HSD17B12: variants seen among roughly 807,000 people sequenced by gnomAD.
The protein encoded by HSD17B12 is hydroxysteroid 17-beta dehydrogenase 12.
In HSD17B12, 32 loss-of-function variants were observed where a neutral mutation model predicts 39.3. The observed-to-expected ratio is 0.81, with a 90% CI of 0.61 to 1.09. The LOEUF is 1.09. Ranked by LOEUF, HSD17B12 falls within the 50% of genes least tolerant of loss-of-function variation. The pLI is 0.00. For missense variants in HSD17B12, 342 were observed against 382.9 expected, an observed-to-expected ratio of 0.89 and a Z score of 0.89; for synonymous variants, 150 against 146.7, an observed-to-expected ratio of 1.02 and a Z score of -0.16.
chr11:43,800,736 T>C (rs1217808151), intron 4 of HSD17B12, among the ~76,000 whole-genome samples: 1 of 152,206 alleles, frequency 6.6e-6, no homozygotes, highest in Non-Finnish European at 1.5e-5. Context: ...ACCATTGTTT[T>C]GATAGCCTAG....
the HSD17B12 span, among the ~76,000 whole-genome samples, chr11:43,568,094 T>G: frequency 1.2e-3 from 186 of 151,998 alleles, no homozygotes; most frequent in African/African-American, 4.3e-3. Context: ...TCTTTTAATT[T>G]TATTTATTTA....
chr11:43,596,743 T>G, the HSD17B12 span, among the ~76,000 whole-genome samples: 4 of 151,916 alleles, frequency 2.6e-5, no homozygotes, highest in Admixed American at 2.0e-4. Flanking sequence ...CCACTTAGGG[T>G]TTTTCTGAGA....
intron 1 of HSD17B12, among the ~76,000 whole-genome samples, chr11:43,713,916 A>G (rs1392987796): frequency 6.6e-6 from 1 of 152,166 alleles, no homozygotes; most frequent in East Asian, 1.9e-4. Context: ...TTGGCTGCAT[A>G]AATGTCTTCT....
intron 10 of HSD17B12, 72 bp downstream of exon 10, chr11:43,854,936 A>T: frequency 6.9e-7 from 1 of 1,451,006 alleles, no homozygotes; most frequent in East Asian, 2.3e-5. Context: ...GTTACAGGAT[A>T]GTATGTAATA....
At chr11:43,629,161 C>T in the HSD17B12 span, among the ~76,000 whole-genome samples, 1 of 152,086 alleles carries the variant, frequency 6.6e-6, no homozygotes, top group Admixed American at 6.6e-5. Context: ...CATCTTTATT[C>T]CTCTCTGTCC....
chr11:43,812,267 C>A (rs1031115924), intron 4 of HSD17B12, among the ~76,000 whole-genome samples: 1 of 152,092 alleles, frequency 6.6e-6, no homozygotes, highest in African/African-American at 2.4e-5. Flanking sequence ...TGTGATAGTT[C>A]TATTTTTAAT....
chr11:43,753,878 T>G (rs941466703), intron 2 of HSD17B12, among the ~76,000 whole-genome samples, 168 bp from the exon 3 acceptor site: 5 of 152,184 alleles, frequency 3.3e-5, no homozygotes, highest in Admixed American at 6.5e-5. Context: ...GATAACTTTT[T>G]GGGGCATTTT....
chr11:43,707,015 G>C (rs950525585), intron 1 of HSD17B12, among the ~76,000 whole-genome samples: 16 of 152,056 alleles, frequency 1.1e-4, no homozygotes, highest in Middle Eastern at 3.4e-3. Flanking sequence ...TCAGGGATAT[G>C]ACATATACCA....
Position 43,713,073 on chromosome 11 carries a change from T to C in HSD17B12, c.160+32086T>C, listed in dbSNP as rs1055301483. Among the ~76,000 whole-genome samples, 5 of 152,226 alleles carry C rather than the reference T, an allele frequency of 3.3e-5. 1 individual carries two copies. The East Asian group carries it at 9.6e-4, about 29-fold the overall frequency. On this transcript the variant is annotated intron_variant, in intron 1 of 10. Coordinates refer to ENST00000278353, the MANE Select transcript of HSD17B12 (RefSeq NM_016142.3). ...AGGCACTGTTATCCAACAGAACTTT[T>C]TATGATAATGGAAATATTCTGTATC...
the HSD17B12 span, among the ~76,000 whole-genome samples, chr11:43,588,012 G>A: frequency 6.6e-6 from 1 of 152,172 alleles, no homozygotes; most frequent in Non-Finnish European, 1.5e-5. Flanking sequence ...GAAATTGGGA[G>A]GCTGAAAGGC....
intron 1 of HSD17B12, chr11:43,718,810 C>T: frequency 1.1e-6 from 1 of 909,206 alleles, no homozygotes; most frequent in Non-Finnish European, 1.8e-6. Context: ...CGTCACCCGC[C>T]TTCTGGTGGC....
At chr11:43,718,838 C>T (rs533290945) in intron 1 of HSD17B12, 72 of 865,706 alleles carry the variant, frequency 8.3e-5, no homozygotes, top group Middle Eastern at 2.9e-4. Context: ...ACCACGACTC[C>T]GGAAGCAGCC....
chr11:43,742,112 AAT>A (rs1168038073), intron 1 of HSD17B12, among the ~76,000 whole-genome samples: 40 of 93,118 alleles, frequency 4.3e-4, no homozygotes, highest in African/African-American at 8.1e-4. Context: ...AGGCAAAGGA[AAT>A]ATATATATAT....
chr11:43,742,139 A>ATATATATATATATT (rs61178234), intron 1 of HSD17B12, among the ~76,000 whole-genome samples: 4 of 123,510 alleles, frequency 3.2e-5, no homozygotes, highest in Non-Finnish European at 4.9e-5. Context: ...ATATATATAT[A>ATATATATATATATT]TTTTTTTTTT....
At chr11:43,675,089 T>A in the HSD17B12 span, among the ~76,000 whole-genome samples, 1 of 152,226 alleles carries the variant, frequency 6.6e-6, no homozygotes, top group South Asian at 2.1e-4. Flanking sequence ...GGTGCACATC[T>A]TAGCTAAAGA....
chr11:43,615,863 C>T, the HSD17B12 span, among the ~76,000 whole-genome samples: 1 of 152,114 alleles, frequency 6.6e-6, no homozygotes, highest in Non-Finnish European at 1.5e-5. Flanking sequence ...TGAGAAATTT[C>T]TGAAAAGGGG....
At chr11:43,603,171 T>C in the HSD17B12 span, among the ~76,000 whole-genome samples, 1 of 152,208 alleles carries the variant, frequency 6.6e-6, no homozygotes, top group African/African-American at 2.4e-5. Flanking sequence ...CCTGAGACTT[T>C]ATTTTTTATT....
chr11:43,837,029 A>G (rs1437622826), intron 7 of HSD17B12, among the ~76,000 whole-genome samples: 1 of 152,122 alleles, frequency 6.6e-6, no homozygotes, highest in African/African-American at 2.4e-5. Flanking sequence ...AAGGCACATA[A>G]TACTAATAAG....
chr11:43,855,089 A>G, intron 10 of HSD17B12, 55 bp from the exon 11 acceptor site: 2 of 1,308,594 alleles, frequency 1.5e-6, no homozygotes, highest in Non-Finnish European at 2.1e-6. Flanking sequence ...ATATGCTTCA[A>G]TTTAGCCCAA....
Sources: allele counts gnomAD v4.1 joint callset (sites outside exome capture counted in the v4.1 genomes callset), GRCh38; gene constraint gnomAD v4.1.1; transcripts MANE v1.5; gene names NCBI Gene and HGNC (gene_info 2026-07-23, HGNC 2026-07-21).